The following LRMDA variants were observed in gnomAD, a reference collection of about 807,000 sequenced individuals.
LRMDA encodes leucine rich melanocyte differentiation associated, also known as leucine-rich melanocyte differentiation-associated protein.
A neutral mutation model predicts 29.8 loss-of-function variants in LRMDA; 18 were observed. The ratio of observed to expected loss-of-function variants is 0.60; its 90% CI spans 0.42 to 0.90. The LOEUF is 0.90. LRMDA is among the 40% of genes least tolerant of loss of function. LRMDA has a pLI of 0.00. For synonymous variants in LRMDA, 125 were observed against 109.4 expected (o/e 1.14, Z -0.89); for missense variants, 273 against 273.9 (o/e 1.00, Z 0.02).
chr10:76,061,098 A>G lies in LRMDA; in HGVS notation c.516+2315A>G, dbSNP rs536154392. ...GATATTCCCAGCAACACTATTCACA[A>G]TAGCAAAGACATGGAATCAGCCTAA... On this transcript the variant is annotated intron_variant, in intron 5 of 6. Coordinates refer to ENST00000611255, the MANE Select transcript of LRMDA (RefSeq NM_001305581.2). Among the ~76,000 whole-genome samples the G allele has an allele frequency of 1.3e-5, 2 of 152,320 alleles. 1 individual carries two copies. The highest frequency in any genetic ancestry group is 4.1e-4 in the South Asian group (2 of 4,826).
At chr10:76,290,192 A>G (rs948517394) in intron 5 of LRMDA, among the ~76,000 whole-genome samples, 1 of 152,138 alleles carries the variant, frequency 6.6e-6, no homozygotes, top group African/African-American at 2.4e-5. Context: ...CAATCTCTTT[A>G]ATGGGCCTTA....
chr10:76,054,650 G>T (rs1287968433), intron 4 of LRMDA, among the ~76,000 whole-genome samples: 2 of 151,502 alleles, frequency 1.3e-5, no homozygotes, highest in Non-Finnish European at 2.9e-5. Flanking sequence ...TTTACTCCCT[G>T]CACGTCACTC....
chr10:76,230,586 A>G (rs1852041297), intron 5 of LRMDA, among the ~76,000 whole-genome samples: 1 of 150,524 alleles, frequency 6.6e-6, no homozygotes, highest in Non-Finnish European at 1.5e-5. Flanking sequence ...AATCCCATGC[A>G]TGAATAAAAT....
chr10:75,730,405 G>A (rs973253888), intron 2 of LRMDA, among the ~76,000 whole-genome samples: 5 of 151,990 alleles, frequency 3.3e-5, no homozygotes, highest in Admixed American at 2.0e-4. Flanking sequence ...TGTCCCTCCC[G>A]ACCCCCGATG....
intron 5 of LRMDA, among the ~76,000 whole-genome samples, chr10:76,260,580 G>A (rs1262511568): frequency 6.6e-6 from 1 of 151,976 alleles, no homozygotes; most frequent in Non-Finnish European, 1.5e-5. Context: ...TCCCTTATAT[G>A]TGACTTGATG....
intron 2 of LRMDA, among the ~76,000 whole-genome samples, chr10:75,891,568 C>T (rs946891196): frequency 1.3e-5 from 2 of 152,120 alleles, no homozygotes; most frequent in African/African-American, 2.4e-5. Flanking sequence ...TCATGGGTGA[C>T]CTCAAAGGCT....
rs192263788 is a variant in LRMDA at position 76,386,612 on chromosome 10, C to T, written c.601+62127C>T. Among the ~76,000 whole-genome samples the T allele has an allele frequency of 4.7e-3, 708 of 152,224 alleles. 5 individuals carry two copies. The highest frequency in any genetic ancestry group is 0.031 in the Middle Eastern group (9 of 294). ...CAGGATTGTTTAAACATTACAATAT[C>T]ACACCCCATATTTGAGTTTTATGAA... On this transcript the variant is annotated intron_variant, in intron 6 of 6. Transcript: ENST00000611255.
rs116219660 is a variant in LRMDA, at chr10:75,682,663, G to C, written c.131+244169G>C. Among the ~76,000 whole-genome samples the C allele has an allele frequency of 4.5e-3, 681 of 152,316 alleles. 8 individuals carry two copies. Among genetic ancestry groups the C allele is most frequent in the African/African-American group, 0.016 (654 of 41,566 alleles). On this transcript the variant is annotated intron_variant, in intron 2 of 6. Transcript: ENST00000611255. The stretch of plus-strand genomic sequence containing the variant: ...TCCAAAGACCACGTGCCTAGAAAGT[G>C]TTAGAGGTTAGATTTGAACCTTATG...
chr10:75,487,703 C>T (rs965383349), intron 2 of LRMDA, among the ~76,000 whole-genome samples: 6 of 152,230 alleles, frequency 3.9e-5, no homozygotes, highest in African/African-American at 1.4e-4. Flanking sequence ...GTGACCACAA[C>T]TCTCCACAAG....
chr10:76,375,699 A>G (rs957348397), intron 6 of LRMDA, among the ~76,000 whole-genome samples: 2 of 142,396 alleles, frequency 1.4e-5, no homozygotes, highest in African/African-American at 4.9e-5. Flanking sequence ...ACTAGTAAGT[A>G]AACTTCTAAG....
At chr10:75,565,471 T>C (rs1840360105) in intron 2 of LRMDA, among the ~76,000 whole-genome samples, 1 of 152,224 alleles carries the variant, frequency 6.6e-6, no homozygotes, top group African/African-American at 2.4e-5. Flanking sequence ...ATCCGTTGCT[T>C]AACTTATTCT....
At chr10:76,499,889 G>T in intron 6 of LRMDA, among the ~76,000 whole-genome samples, 1 of 73,846 alleles carries the variant, frequency 1.4e-5, no homozygotes. Context: ...ATATTTTTTA[G>T]AAATAGGGTC....
At chr10:76,216,520 A>C (rs180766161) in intron 5 of LRMDA, among the ~76,000 whole-genome samples, 30 of 152,372 alleles carry the variant, frequency 2.0e-4, no homozygotes, top group African/African-American at 6.7e-4. Context: ...AGATGGAGAC[A>C]TTTTGCAGAG....
At chr10:75,714,833 C>T (rs1589167957) in intron 2 of LRMDA, among the ~76,000 whole-genome samples, 1 of 142,606 alleles carries the variant, frequency 7.0e-6, no homozygotes, top group Admixed American at 6.8e-5. Context: ...CTTCCTCCTT[C>T]TTTCCCTCCC....
intron 2 of LRMDA, among the ~76,000 whole-genome samples, chr10:75,925,548 G>A (rs1160106608): frequency 8.5e-6 from 1 of 118,060 alleles, no homozygotes. Flanking sequence ...TGGTTTAGTA[G>A]TTTGGAGGGG....
intron 2 of LRMDA, among the ~76,000 whole-genome samples, chr10:75,925,356 G>A (rs967137864): frequency 2.6e-5 from 4 of 152,108 alleles, no homozygotes; most frequent in South Asian, 2.1e-4. Flanking sequence ...TACTTTCTCC[G>A]TAAGACATAC....
In LRMDA at chr10:75,582,145, G is replaced by T. The variant is rs998157841; in HGVS notation, c.131+143651G>T. 3.3e-5 allele frequency among the ~76,000 whole-genome samples: 5 copies of T among 152,120 alleles called. 1 individual carries two copies. The highest frequency in any genetic ancestry group is 1.2e-4 in the African/African-American group (5 of 41,414). ...AGCTCTTGCTGGATCTACTGTTCTG[G>T]GTTCTTGAGAATGGTAGCCCTCTTC... On this transcript the variant is annotated intron_variant, in intron 2 of 6. Coordinates refer to ENST00000611255, the MANE Select transcript of LRMDA (RefSeq NM_001305581.2).
chr10:75,892,972 A>G (rs1296605580), intron 2 of LRMDA, among the ~76,000 whole-genome samples: 1 of 152,218 alleles, frequency 6.6e-6, no homozygotes, highest in Non-Finnish European at 1.5e-5. Flanking sequence ...GGCAATGGTT[A>G]GATGTCATAA....
intron 5 of LRMDA, among the ~76,000 whole-genome samples, chr10:76,188,103 A>T (rs1851181021): frequency 6.6e-6 from 1 of 152,148 alleles, no homozygotes; most frequent in Non-Finnish European, 1.5e-5. Flanking sequence ...CCATCAAGCT[A>T]TCTGCCAGTC....
Sources: gnomAD v4.1 joint callset for allele counts (sites outside exome capture counted in the v4.1 genomes callset) on GRCh38, gnomAD v4.1.1 for gene constraint, MANE v1.5 for transcripts, NCBI Gene and HGNC (gene_info 2026-07-23, HGNC 2026-07-21) for gene names.